TRIM67: variants seen among roughly 807,000 people sequenced by gnomAD.
The protein encoded by TRIM67 is tripartite motif-containing protein 67.
A neutral mutation model predicts 71.0 loss-of-function variants in TRIM67; 39 were observed. That is an observed-to-expected ratio of 0.55 (90% CI 0.43 to 0.72). The LOEUF (loss-of-function observed/expected upper bound fraction) is 0.72, where lower values mean the gene tolerates loss of function less well. Among genes scored for constraint, TRIM67 ranks in the 30% least tolerant of loss-of-function variants. The pLI is 0.00. For missense variants in TRIM67, 973 were observed against 1,079.2 expected (o/e 0.90, Z 1.38); for synonymous variants, 481 against 473.9 (o/e 1.01, Z -0.19).
chr1:231,214,125 A>T, intron 9 of TRIM67, 148 bp downstream of exon 9: 1 of 1,073,228 alleles, frequency 9.3e-7, no homozygotes, highest in Non-Finnish European at 1.3e-6. Flanking sequence ...TGCCTTGGAC[A>T]TTTCCTGGAG....
Position 231,199,038 on chromosome 1 carries a change from C to A in TRIM67, c.1141-9C>A. 6.2e-7 allele frequency: 1 copy of A among 1,613,934 alleles called. No individual in the cohort carries two copies. Among genetic ancestry groups the A allele is most frequent in the South Asian group, 1.1e-5 (1 of 91,080 alleles). On this transcript the variant is annotated splice_polypyrimidine_tract_variant and intron_variant, in intron 2 of 9. Transcript: ENST00000366653. ...TGCTTCTTCCCAACCAACCCCCAACCTCTGCCAGGAAAACGGACTGGACTA... is the reference window on the plus strand; with the variant it reads ...TGCTTCTTCCCAACCAACCCCCAACATCTGCCAGGAAAACGGACTGGACTA...
Position 231,216,095 on chromosome 1 carries a change from C to G in TRIM67, c.*655C>G. On this transcript the variant is annotated 3_prime_UTR_variant, in exon 10 of 10. Transcript: ENST00000366653. ...TAAAATGGCTTCCTTTATTAATCAG[C>G]CAATTGTGTTCTCTCTCTCTCTTCC... 1.0e-6 allele frequency: 1 copy of G among 985,346 alleles called. No individual in the cohort carries two copies. Among genetic ancestry groups the G allele is most frequent in the South Asian group, 4.7e-5 (1 of 21,276 alleles). 61.0% of individuals were successfully genotyped at this position (985,346 alleles called of 1,614,324 possible).
chr1:231,167,286 C>T (rs978166750), intron 1 of TRIM67, among the ~76,000 whole-genome samples: 1 of 147,720 alleles, frequency 6.8e-6, no homozygotes, highest in Non-Finnish European at 1.5e-5. Flanking sequence ...CTGGAAAGCT[C>T]AGAAAAGACA....
chr1:231,162,742 C>T lies in TRIM67; in HGVS notation c.-228C>T. 2 of 562,372 alleles carry T rather than the reference C, an allele frequency of 3.6e-6. No homozygotes were observed. The highest frequency in any genetic ancestry group is 6.0e-6 in the Non-Finnish European group (2 of 331,728). 34.8% of individuals were successfully genotyped at this position (562,372 alleles called of 1,614,324 possible). A position where few individuals can be genotyped will look rare whatever the true frequency, so the allele number is the denominator to read the frequency against. ...GTTGAAGCCGCTGGTGCGGGACCCT[C>T]GGGCAGGAGGTGAGGACCCCCTCCC... On this transcript the variant is annotated 5_prime_UTR_variant, in exon 1 of 10. Coordinates refer to ENST00000366653, the MANE Select transcript of TRIM67 (RefSeq NM_001004342.5).
Position 231,162,218 on chromosome 1 carries a change from G to A in TRIM67, c.-752G>A, listed in dbSNP as rs1682304435. On this transcript the variant is annotated 5_prime_UTR_variant, in exon 1 of 10. Transcript: ENST00000366653. ...GCAGGAGCAGCAGCTGGGAACCAGGGAAGCGGGTCAATCCCGGCCGCAGGG... is the reference window on the plus strand; with the variant it reads ...GCAGGAGCAGCAGCTGGGAACCAGGAAAGCGGGTCAATCCCGGCCGCAGGG... The A allele has an allele frequency of 6.6e-6, 1 of 152,296 alleles. No individual in the cohort carries two copies. The highest frequency in any genetic ancestry group is 1.5e-5 in the Non-Finnish European group (1 of 68,128). The allele number at this position is 152,296 out of a possible 1,614,324, so 9.4% of individuals were successfully genotyped here.
chr1:231,168,069 C>T (rs1682525091), intron 1 of TRIM67, among the ~76,000 whole-genome samples: 2 of 152,038 alleles, frequency 1.3e-5, no homozygotes, highest in South Asian at 2.1e-4. Context: ...TCAAACGATC[C>T]TCCCACCTCC....
At chr1:231,179,309 T>C (rs115253922) in intron 1 of TRIM67, among the ~76,000 whole-genome samples, 2,206 of 152,340 alleles carry the variant, frequency 0.014, 57 homozygotes, top group African/African-American at 0.051. Context: ...GTCTCTTCTT[T>C]GTAAGGACAC....
At chr1:231,204,171 G>T (rs923967896) in intron 6 of TRIM67, among the ~76,000 whole-genome samples, 159 bp downstream of exon 6, 1 of 152,232 alleles carries the variant, frequency 6.6e-6, no homozygotes, top group East Asian at 1.9e-4. Flanking sequence ...CGGAGATGGG[G>T]CTTCCCTCCC....
At chr1:231,187,941 C>T (rs1313821984) in intron 1 of TRIM67, among the ~76,000 whole-genome samples, 2 of 152,156 alleles carry the variant, frequency 1.3e-5, no homozygotes, top group African/African-American at 2.4e-5. Context: ...ATCTCCCTTC[C>T]TAGAGAAAAG....
At position 231,217,713 on chromosome 1, in the gene TRIM67, C is replaced by A; in HGVS notation, c.*2273C>A. The A allele has an allele frequency of 8.1e-7, 1 of 1,233,348 alleles. No homozygotes were observed. Among genetic ancestry groups the A allele is most frequent in the South Asian group, 1.4e-5 (1 of 71,254 alleles). 76.4% of individuals were successfully genotyped at this position (1,233,348 alleles called of 1,614,324 possible). On this transcript the variant is annotated 3_prime_UTR_variant, in exon 10 of 10. Transcript: ENST00000366653. ...TGTGGAGCCTCCACCATCACCACAG[C>A]CCAGGTCACCAGGTGGCCCCAGCTC...
chr1:231,165,564 C>T (rs1374732056), intron 1 of TRIM67, among the ~76,000 whole-genome samples: 1 of 152,122 alleles, frequency 6.6e-6, no homozygotes, highest in African/African-American at 2.4e-5. Context: ...ACTTGGTTAG[C>T]TAGAGAAAAC....
intron 1 of TRIM67, among the ~76,000 whole-genome samples, chr1:231,165,201 G>A (rs1682418628): frequency 6.6e-6 from 1 of 152,116 alleles, no homozygotes; most frequent in South Asian, 2.1e-4. Flanking sequence ...ATTCTACAGT[G>A]CACAGGAAAA....
chr1:231,182,255 G>A (rs371161972), intron 1 of TRIM67, among the ~76,000 whole-genome samples: 163 of 152,264 alleles, frequency 1.1e-3, no homozygotes, highest in Non-Finnish European at 1.3e-3. Context: ...GATGAAACAA[G>A]CAAGGTCTCA....
chr1:231,210,409 C>T (rs1252826630), intron 8 of TRIM67, among the ~76,000 whole-genome samples: 2 of 151,968 alleles, frequency 1.3e-5, no homozygotes, highest in East Asian at 4.0e-4. Context: ...CCTGAGGGCC[C>T]TCAGGACCCC....
rs1006767734 is a variant in TRIM67 at position 231,216,659 on chromosome 1, A to C, written c.*1219A>C. ...TGGGGAAGGCAGGAAATAGAAGGGC[A>C]GTATCAGGTACCTTGTCTCCCAGCT... is the stretch of plus-strand genomic sequence containing the variant. On this transcript the variant is annotated 3_prime_UTR_variant, in exon 10 of 10. Coordinates refer to ENST00000366653, the MANE Select transcript of TRIM67 (RefSeq NM_001004342.5). 2.2e-5 allele frequency: 22 copies of C among 985,448 alleles called. No individual in the cohort carries two copies. Among genetic ancestry groups the C allele is most frequent in the Middle Eastern group, 5.2e-4 (1 of 1,936 alleles). 61.0% of individuals were successfully genotyped at this position (985,448 alleles called of 1,614,324 possible).
chr1:231,188,858 G>A lies in TRIM67; in HGVS notation c.1045-8513G>A, dbSNP rs560466386. Among the ~76,000 whole-genome samples the A allele has an allele frequency of 2.0e-5, 3 of 152,338 alleles. No homozygotes were observed. The East Asian group carries it at 5.8e-4, about 29-fold the overall frequency. ...TGCTACTGATCCTGTCCCACCTCAGGAGAGGAGAGGCCATCAAGTCCAGGT... is the reference window on the plus strand; with the variant it reads ...TGCTACTGATCCTGTCCCACCTCAGAAGAGGAGAGGCCATCAAGTCCAGGT... On this transcript the variant is annotated intron_variant, in intron 1 of 9. Transcript: ENST00000366653.
chr1:231,214,703 C>T (rs151050684), intron 9 of TRIM67, among the ~76,000 whole-genome samples: 93 of 147,086 alleles, frequency 6.3e-4, no homozygotes, highest in Middle Eastern at 3.6e-3. Context: ...GGCATGAACC[C>T]GGGAGGCGGA....
intron 1 of TRIM67, among the ~76,000 whole-genome samples, chr1:231,194,085 C>T (rs1371472375): frequency 1.3e-5 from 2 of 152,232 alleles, no homozygotes; most frequent in Non-Finnish European, 2.9e-5. Flanking sequence ...CTTCTAGCCT[C>T]CAGAACTCTG....
chr1:231,180,435 C>T (rs1279065174), intron 1 of TRIM67, among the ~76,000 whole-genome samples: 1 of 152,072 alleles, frequency 6.6e-6, no homozygotes, highest in East Asian at 1.9e-4. Flanking sequence ...ACATATGAAG[C>T]CAGGATACTG....
Sources: allele counts gnomAD v4.1 joint callset (sites outside exome capture counted in the v4.1 genomes callset), GRCh38; gene constraint gnomAD v4.1.1; transcripts MANE v1.5; gene names NCBI Gene and HGNC (gene_info 2026-07-23, HGNC 2026-07-21).